FARS2: variants seen among roughly 807,000 people sequenced by gnomAD.
FARS2 encodes the protein phenylalanyl-tRNA synthetase 2, mitochondrial.
A neutral mutation model predicts 46.4 loss-of-function variants in FARS2; 40 were observed. The ratio of observed to expected loss-of-function variants is 0.86; its 90% CI spans 0.67 to 1.12. The LOEUF is 1.12. FARS2 is among the 50% of genes most tolerant of loss of function. The pLI is 0.00. For synonymous variants in FARS2, 234 were observed against 214.9 expected (o/e 1.09, Z -0.78); for missense variants, 513 against 567.9 (o/e 0.90, Z 0.98).
intron 5 of FARS2, among the ~76,000 whole-genome samples, chr6:5,597,600 A>G (rs1774270901): frequency 6.6e-6 from 1 of 152,206 alleles, no homozygotes; most frequent in Admixed American, 6.5e-5. Context: ...CTGCTAACCA[A>G]GGCATTGCAG....
At chr6:5,332,315 G>T (rs1770853356) in intron 1 of FARS2, among the ~76,000 whole-genome samples, 1 of 152,200 alleles carries the variant, frequency 6.6e-6, no homozygotes, top group African/African-American at 2.4e-5. Context: ...TGCTAAGGAG[G>T]TTCCAAAATG....
rs1757034685 is a variant in FARS2 at position 5,343,611 on chromosome 6, G to A, written c.-21-24939G>A. ...TAACTAGAAATTGTACACATTTTTA[G>A]TTCTTTGGAACATGTAAACCCAGTG... On this transcript the variant is annotated intron_variant, in intron 1 of 6. Coordinates refer to ENST00000274680, the MANE Select transcript of FARS2 (RefSeq NM_006567.5). The surrounding 1 kb of genome is among the most constrained non-coding windows in gnomAD (Gnocchi z 4.5). Among the ~76,000 whole-genome samples the A allele has an allele frequency of 6.6e-6, 1 of 152,138 alleles. No homozygotes were observed. The highest frequency in any genetic ancestry group is 1.5e-5 in the Non-Finnish European group (1 of 68,026).
chr6:5,490,245 A>C lies in FARS2; in HGVS notation c.905-54935A>C, dbSNP rs926559086. Among the ~76,000 whole-genome samples the C allele has an allele frequency of 4.9e-4, 74 of 152,324 alleles. 1 individual carries two copies. Among genetic ancestry groups the C allele is most frequent in the African/African-American group, 1.7e-3 (70 of 41,570 alleles). ...TAATATTTTGTTCTTTGTAATTGCT[A>C]AGTAGCATTCTATTGTGTAGATATA... On this transcript the variant is annotated intron_variant, in intron 4 of 6. Coordinates refer to ENST00000274680, the MANE Select transcript of FARS2 (RefSeq NM_006567.5).
chr6:5,444,275 T>C (rs1045393201), intron 4 of FARS2, among the ~76,000 whole-genome samples: 1 of 152,050 alleles, frequency 6.6e-6, no homozygotes, highest in African/African-American at 2.4e-5. Context: ...GCGACCAGCC[T>C]GACCAACATG....
chr6:5,595,642 T>C (rs1774155768), intron 5 of FARS2, among the ~76,000 whole-genome samples: 2 of 152,328 alleles, frequency 1.3e-5, no homozygotes, highest in Admixed American at 1.3e-4. Flanking sequence ...GGTTACAGAC[T>C]GGGATGGTCA....
At chr6:5,318,978 C>T (rs1261444898) in intron 1 of FARS2, among the ~76,000 whole-genome samples, 1 of 152,084 alleles carries the variant, frequency 6.6e-6, no homozygotes, top group Non-Finnish European at 1.5e-5. Context: ...CTTCAGCAAC[C>T]TGGGAAGAAG....
At chr6:5,434,675 C>T (rs1422834131) in intron 4 of FARS2, among the ~76,000 whole-genome samples, 1 of 152,038 alleles carries the variant, frequency 6.6e-6, no homozygotes, top group African/African-American at 2.4e-5. Flanking sequence ...GGAGAAAGAC[C>T]GAATAGGTAT....
At chr6:5,320,187 CTG>C (rs1769866747) in intron 1 of FARS2, among the ~76,000 whole-genome samples, 1 of 152,202 alleles carries the variant, frequency 6.6e-6, no homozygotes, top group African/African-American at 2.4e-5. Context: ...TCTGGAGAAA[CTG>C]TGCATACCTT....
chr6:5,769,693 A>T (rs1490412566), intron 6 of FARS2, among the ~76,000 whole-genome samples: 1 of 152,138 alleles, frequency 6.6e-6, no homozygotes, highest in Non-Finnish European at 1.5e-5. Context: ...TGGGTGAGGG[A>T]ATGGGGCAGG....
intron 6 of FARS2, among the ~76,000 whole-genome samples, chr6:5,725,567 G>A (rs1760197124): frequency 6.6e-6 from 1 of 152,228 alleles, no homozygotes; most frequent in South Asian, 2.1e-4. Context: ...ATAGTGGTAT[G>A]TACTTAAAAG....
chr6:5,336,250 C>A (rs1277484449), intron 1 of FARS2, among the ~76,000 whole-genome samples: 2 of 150,982 alleles, frequency 1.3e-5, no homozygotes, highest in African/African-American at 2.4e-5. Flanking sequence ...AAAAAAAAAA[C>A]CTTAGTTCTA....
chr6:5,323,690 C>G (rs974159456), intron 1 of FARS2, among the ~76,000 whole-genome samples: 4 of 152,200 alleles, frequency 2.6e-5, no homozygotes, highest in African/African-American at 2.4e-5. Flanking sequence ...GAGGGAAGAG[C>G]TGGAGGGAAG....
chr6:5,477,788 A>T (rs1434159399), intron 4 of FARS2, among the ~76,000 whole-genome samples: 1 of 152,072 alleles, frequency 6.6e-6, no homozygotes, highest in Non-Finnish European at 1.5e-5. Context: ...GGAGGCCAAG[A>T]TGGGAGGATG....
chr6:5,539,625 G>A (rs1289044618), intron 4 of FARS2, among the ~76,000 whole-genome samples: 1 of 151,892 alleles, frequency 6.6e-6, no homozygotes, highest in African/African-American at 2.4e-5. Flanking sequence ...GCAATTGGAA[G>A]TTGTATTTGT....
Position 5,762,111 on chromosome 6 carries a change from G to T in FARS2, c.1218-9180G>T, listed in dbSNP as rs566729331. ...CCATCTGTACAGACGAGGAAGTTGA[G>T]GCTCAGATAATTTGTCTAAGGTCAT... On this transcript the variant is annotated intron_variant, in intron 6 of 6. Coordinates refer to ENST00000274680, the MANE Select transcript of FARS2 (RefSeq NM_006567.5). 3.0e-4 allele frequency among the ~76,000 whole-genome samples: 45 copies of T among 152,342 alleles called. No individual in the cohort carries two copies. The South Asian group carries it at 9.1e-3, about 31-fold the overall frequency.
At chr6:5,667,512 C>T (rs147491714) in intron 6 of FARS2, among the ~76,000 whole-genome samples, 10 of 129,312 alleles carry the variant, frequency 7.7e-5, no homozygotes, top group African/African-American at 3.1e-4. Flanking sequence ...AGCAAGACAC[C>T]GTCTCAAGAA....
At chr6:5,406,456 C>T (rs889196886) in intron 3 of FARS2, among the ~76,000 whole-genome samples, 12 of 152,172 alleles carry the variant, frequency 7.9e-5, no homozygotes, top group Admixed American at 3.3e-4. Flanking sequence ...CATCTCACCC[C>T]GGGCAACATG....
chr6:5,743,009 G>A (rs560473958), intron 6 of FARS2, among the ~76,000 whole-genome samples: 11 of 152,160 alleles, frequency 7.2e-5, no homozygotes, highest in African/African-American at 2.4e-4. Context: ...TGAGGGTGGA[G>A]TGGGGTGTAT....
intron 6 of FARS2, among the ~76,000 whole-genome samples, chr6:5,685,818 C>G (rs755028767): frequency 3.3e-5 from 5 of 152,156 alleles, no homozygotes; most frequent in Non-Finnish European, 7.4e-5. Flanking sequence ...CCTTCCTATT[C>G]AAGTCTAGTT....
Sources: gnomAD v4.1 joint callset for allele counts (sites outside exome capture counted in the v4.1 genomes callset) on GRCh38, gnomAD v4.1.1 for gene constraint, Gnocchi (gnomAD v3.1) non-coding constraint, MANE v1.5 for transcripts, NCBI Gene and HGNC (gene_info 2026-07-23, HGNC 2026-07-21) for gene names.